CARMIL2: variants seen among roughly 807,000 people sequenced by gnomAD.
CARMIL2 encodes the protein capping protein regulator and myosin 1 linker 2, also known as capping protein, Arp2/3 and myosin-I linker protein 2.
In CARMIL2, 96 loss-of-function variants were observed where a neutral mutation model predicts 173.3. The ratio of observed to expected loss-of-function variants is 0.55; its 90% confidence interval spans 0.47 to 0.66. The LOEUF is 0.66. Ranked by LOEUF, CARMIL2 falls within the 30% of genes least tolerant of loss-of-function variation. CARMIL2 has a pLI of 0.00. For synonymous variants in CARMIL2, 830 were observed against 817.1 expected (o/e 1.02, Z -0.27); for missense variants, 1,771 against 1,906.7 (o/e 0.93, Z 1.33).
intron 34 of CARMIL2, 62 bp downstream of exon 34, chr16:67,656,361 A>T: frequency 6.2e-7 from 1 of 1,610,600 alleles, no homozygotes; most frequent in Non-Finnish European, 8.5e-7. Context: ...GTTGGGTCAG[A>T]CTGTTGTTCA....
chr16:67,652,273 C>A lies in CARMIL2; in HGVS notation c.2751C>A (p.Ser917Arg). ...CAGCACCGGATGGAGGTGAGCCCAG[C>A]CTCCTTGAGCCTGGGGAATTGGAAG... Reference protein sequence around the residue: ...ALPAPDGGEPSLLEPGELEGL... With the variant: ...ALPAPDGGEPRLLEPGELEGL... Residue 917 changes from serine to arginine, a missense_variant, in exon 27 of 38, where the codon AGC becomes AGA. This residue lies in a region of CARMIL2 where 817 missense variants were observed against 903.5 expected (regional missense o/e 0.90). Transcript: ENST00000334583. The surrounding 1 kb of genome is among the most constrained non-coding windows in gnomAD (Gnocchi z 4.7). 1.2e-6 allele frequency: 2 copies of A among 1,613,178 alleles called. No individual in the cohort carries two copies. The highest frequency in any genetic ancestry group is 8.5e-7 in the Non-Finnish European group (1 of 1,179,682).
Position 67,649,246 on chromosome 16 carries a change from GC to G in CARMIL2, c.1689-5del. ...CCTGTCCCCCACAACTGCGGCCCCT[GC>G]CCACAGGGAGACCCTGGACGACGTC... On this transcript the variant is annotated splice_region_variant and splice_polypyrimidine_tract_variant and intron_variant, in intron 18 of 37. Coordinates refer to ENST00000334583, the MANE Select transcript of CARMIL2 (RefSeq NM_001013838.3). The surrounding 1 kb of genome is among the most constrained non-coding windows in gnomAD (Gnocchi z 6.7). 6.2e-7 allele frequency: 1 copy of G among 1,613,318 alleles called. No individual in the cohort carries two copies.
chr16:67,647,484 T>G (rs775201425), intron 10 of CARMIL2, 24 bp from the exon 11 acceptor site: 1 of 1,581,918 alleles, frequency 6.3e-7, no homozygotes, highest in South Asian at 1.2e-5. Context: ...GGGCAGAATC[T>G]CATGCCTGGG....
chr16:67,656,617 G>C lies in CARMIL2; in HGVS notation c.4008G>C (p.Glu1336Asp). 6.2e-7 allele frequency: 1 copy of C among 1,602,000 alleles called. No individual in the cohort carries two copies. The highest frequency in any genetic ancestry group is 8.5e-7 in the Non-Finnish European group (1 of 1,174,404). The part of the protein sequence containing the change: ...SPSPDSLGLP[E>D]DPCLGPRNED... ...CCCCAGACAGCCTGGGCCTCCCAGA[G>C]GACCCTTGCTTGGGCCCCAGAAATG... The change falls in exon 35 of 38, where the codon GAG (glutamate) becomes GAC (aspartate). Residue 1336 changes from glutamate to aspartate, a missense_variant. Physicochemically the swap from Glu to Asp is conservative, Grantham distance 45. Around this residue, in one of 3 missense-constraint regions of CARMIL2, gnomAD observed 817 missense variants for 903.5 expected, o/e 0.90. Coordinates refer to ENST00000334583, the MANE Select transcript of CARMIL2 (RefSeq NM_001013838.3).
In CARMIL2 at chr16:67,648,118, G is replaced by A. The variant is rs767570673; in HGVS notation, c.1138G>A (p.Ala380Thr). 2.5e-6 allele frequency: 4 copies of A among 1,612,356 alleles called. No individual in the cohort carries two copies. Among genetic ancestry groups the A allele is most frequent in the African/African-American group, 2.7e-5 (2 of 74,808 alleles). Residue 380 changes from alanine (A) to threonine (T), a missense_variant, in exon 14 of 38, where the codon GCC becomes ACC. Coordinates refer to ENST00000334583, the MANE Select transcript of CARMIL2 (RefSeq NM_001013838.3). The surrounding 1 kb of genome is among the most constrained non-coding windows in gnomAD (Gnocchi z 6.1). ...SFLNLAGTDT[A>T]LDTVRGCSVG... ...CCTGAATCTCGCAGGCACCGACACTGCCCTGGACACTGTGAGGGGGTGCTC... is the reference window on the plus strand; with the variant it reads ...CCTGAATCTCGCAGGCACCGACACTACCCTGGACACTGTGAGGGGGTGCTC...
rs371122889 is a variant in CARMIL2 at position 67,646,317 on chromosome 16, C to A, written c.374+7C>A. 7 of 1,612,022 alleles carry A rather than the reference C, an allele frequency of 4.3e-6. No homozygotes were observed. Among genetic ancestry groups the A allele is most frequent in the Non-Finnish European group, 5.1e-6 (6 of 1,178,664 alleles). ...TCCCTCGCTCGACCCTTGGGTGAGGCCTGGCAAATTCGAGGGGCTGGCAGG... is the reference window on the plus strand; with the variant it reads ...TCCCTCGCTCGACCCTTGGGTGAGGACTGGCAAATTCGAGGGGCTGGCAGG... On this transcript the variant is annotated splice_region_variant and intron_variant, in intron 5 of 37. Transcript: ENST00000334583. This position sits in a 1 kb window ranked among gnomAD's most constrained non-coding sequence, Gnocchi z 4.6.
chr16:67,645,493 G>T (rs775280877), intron 1 of CARMIL2, 47 bp from the exon 2 acceptor site: 10 of 1,495,126 alleles, frequency 6.7e-6, no homozygotes, highest in Non-Finnish European at 8.2e-6. Context: ...GGCACCAGTG[G>T]CTTCTGTGCA....
In CARMIL2 at chr16:67,657,266, C is replaced by T; in HGVS notation, c.4145C>T (p.Pro1382Leu). Reference sequence around the variant, plus strand: ...CGGCCCCTGAGGCTGCAGCGCTCCCCCGTCCTCAAACGCAGGCCAAAACTC... The same window carrying T: ...CGGCCCCTGAGGCTGCAGCGCTCCCTCGTCCTCAAACGCAGGCCAAAACTC... The part of the protein sequence containing the change: ...AERPLRLQRS[P>L]VLKRRPKLEA... Residue 1382 changes from proline (P) to leucine (L), a missense_variant, in exon 37 of 38, where the codon CCC (proline) becomes CTC (leucine). Physicochemically the swap from Pro to Leu is moderately conservative, Grantham distance 98. Transcript: ENST00000334583. The surrounding 1 kb of genome is among the most constrained non-coding windows in gnomAD (Gnocchi z 4.5). 18 of 1,613,814 alleles carry T rather than the reference C, an allele frequency of 1.1e-5. No homozygotes were observed. Among genetic ancestry groups the T allele is most frequent in the Non-Finnish European group, 1.5e-5 (18 of 1,179,838 alleles).
rs2052713250 is a variant in CARMIL2 at position 67,651,098 on chromosome 16, C to G, written c.2185-89C>G. On this transcript the variant is annotated intron_variant, in intron 22 of 37. Coordinates refer to ENST00000334583, the MANE Select transcript of CARMIL2 (RefSeq NM_001013838.3). This position sits in a 1 kb window ranked among gnomAD's most constrained non-coding sequence, Gnocchi z 4.2. ...TCTAAGGGTGTCAGCTTCAGGACCT[C>G]CCTCTGTTAAAGAGCCTGGGAGGAA... 1 of 1,488,122 alleles carries G rather than the reference C, an allele frequency of 6.7e-7. No individual in the cohort carries two copies. 92.2% of individuals were successfully genotyped at this position (1,488,122 alleles called of 1,614,324 possible).
In CARMIL2 at chr16:67,648,838, C is replaced by G; in HGVS notation, c.1510-55C>G. The G allele has an allele frequency of 6.4e-7, 1 of 1,571,320 alleles. No homozygotes were observed. The highest frequency in any genetic ancestry group is 1.2e-5 in the South Asian group (1 of 86,188). On this transcript the variant is annotated intron_variant, in intron 16 of 37. Coordinates refer to ENST00000334583, the MANE Select transcript of CARMIL2 (RefSeq NM_001013838.3). The surrounding 1 kb of genome is among the most constrained non-coding windows in gnomAD (Gnocchi z 6.1). ...GCAGGGCCGTGGGCCGCCTGCCCCT[C>G]CCCACTCGCGGCCTAAGTGGGTCCC...
rs535663690 is a variant in CARMIL2 at position 67,648,202 on chromosome 16, C to T, written c.1222C>T (p.Pro408Ser). Residue 408 changes from proline to serine, a missense_variant, in exon 14 of 38, where the codon CCC becomes TCC. Pro to Ser is a moderately conservative substitution (Grantham distance 74). This residue lies in a region of CARMIL2 where 944 missense variants were observed against 975.6 expected (regional missense o/e 0.97). Transcript: ENST00000334583. This position sits in a 1 kb window ranked among gnomAD's most constrained non-coding sequence, Gnocchi z 6.1. ...GAGGGCGGGACGGGGAGGGCTCGGT[C>T]CCCCCGCGGGTGTAGCCAACAGCCT... ...DWRAGRGGLGPPAGVANSLPP... is the reference protein window; with the variant it reads ...DWRAGRGGLGSPAGVANSLPP... 6.2e-7 allele frequency: 1 copy of T among 1,604,586 alleles called. No homozygotes were observed. The highest frequency in any genetic ancestry group is 1.1e-5 in the South Asian group (1 of 89,850).
rs376307876 is a variant in CARMIL2, at chr16:67,647,933, C to T, written c.1046C>T (p.Ala349Val). The change falls in exon 13 of 38, where the codon GCG (alanine) becomes GTG (valine). Residue 349 changes from alanine (A) to valine (V), a missense_variant. Physicochemically the swap from Ala to Val is moderately conservative, Grantham distance 64. Transcript: ENST00000334583. The stretch of plus-strand genomic sequence containing the variant: ...CTGGACCTTTCTGGGAATCCTGGGG[C>T]GCTGGGGGCCTCCGAGGACAGTGGG... ...THLDLSGNPG[A>V]LGASEDSGGL... is the part of the protein sequence containing the mutation. 2.5e-5 allele frequency: 40 copies of T among 1,609,540 alleles called. No homozygotes were observed. The highest frequency in any genetic ancestry group is 3.2e-5 in the Non-Finnish European group (38 of 1,177,872).
At position 67,648,269 on chromosome 16, in the gene CARMIL2, C is replaced by A; in HGVS notation, c.1289C>A (p.Thr430Asn). 6 of 1,598,804 alleles carry A rather than the reference C, an allele frequency of 3.8e-6. No individual in the cohort carries two copies. Among genetic ancestry groups the A allele is most frequent in the Non-Finnish European group, 5.1e-6 (6 of 1,176,988 alleles). Residue 430 changes from threonine (T) to asparagine (N), a missense_variant, in exon 14 of 38, where the codon ACC becomes AAC. Transcript: ENST00000334583. This position sits in a 1 kb window ranked among gnomAD's most constrained non-coding sequence, Gnocchi z 6.1. ...GCAGCGGTATCCCGAGGCTGCTGCA[C>A]CAGCCTTACCCACCTCGACGCTTCG... ...LFAAVSRGCCTSLTHLDASRN... is the reference protein window; with the variant it reads ...LFAAVSRGCCNSLTHLDASRN...
chr16:67,653,030 G>C lies in CARMIL2; in HGVS notation c.2896G>C (p.Glu966Gln), dbSNP rs2052759738. The C allele has an allele frequency of 7.9e-7, 1 of 1,270,904 alleles. No homozygotes were observed. The highest frequency in any genetic ancestry group is 3.6e-5 in the Admixed American group (1 of 28,012). 78.7% of individuals were successfully genotyped at this position (1,270,904 alleles called of 1,614,324 possible). ...TGCTGTCCCCTCAGGTGCTGCTGAG[G>C]AAGCGGAGCCGGAGCCCGAGCTGGC... ...LVPFIHSAAEEAEPEPELAAP... is the reference protein window; with the variant it reads ...LVPFIHSAAEQAEPEPELAAP... Residue 966 changes from glutamate (E) to glutamine (Q), a missense_variant, in exon 29 of 38, where the codon GAA becomes CAA. Glu to Gln is a conservative substitution (Grantham distance 29). Coordinates refer to ENST00000334583, the MANE Select transcript of CARMIL2 (RefSeq NM_001013838.3). The surrounding 1 kb of genome is among the most constrained non-coding windows in gnomAD (Gnocchi z 7.4).
Position 67,656,085 on chromosome 16 carries a change from G to T in CARMIL2, c.3742+18G>T. Reference sequence around the variant, plus strand: ...CTCAGATGGTAAGTGGGACCCTGGGGTGTGGCAGTACATTTGCCAGGAGGT... The same window carrying T: ...CTCAGATGGTAAGTGGGACCCTGGGTTGTGGCAGTACATTTGCCAGGAGGT... On this transcript the variant is annotated intron_variant, in intron 33 of 37. Coordinates refer to ENST00000334583, the MANE Select transcript of CARMIL2 (RefSeq NM_001013838.3). 1.9e-6 allele frequency: 3 copies of T among 1,607,824 alleles called. No individual in the cohort carries two copies. The highest frequency in any genetic ancestry group is 2.5e-6 in the Non-Finnish European group (3 of 1,177,030).
At position 67,653,417 on chromosome 16, in the gene CARMIL2, C is replaced by G. The variant is rs1262723158; in HGVS notation, c.3120+163C>G. On this transcript the variant is annotated intron_variant, in intron 29 of 37. Transcript: ENST00000334583. This position sits in a 1 kb window ranked among gnomAD's most constrained non-coding sequence, Gnocchi z 7.4. ...TCCTGGCTTCTTCCTGACCACCCCC[C>G]ACCCCAGGCCATGCCTGTGCGGGAC... Among the ~76,000 whole-genome samples, 2 of 152,012 alleles carry G rather than the reference C, an allele frequency of 1.3e-5. No individual in the cohort carries two copies. Among genetic ancestry groups the G allele is most frequent in the African/African-American group, 2.4e-5 (1 of 41,412 alleles).
rs760760739 is a variant in CARMIL2 at position 67,648,966 on chromosome 16, C to A, written c.1583C>A (p.Ala528Glu). 1.6e-5 allele frequency: 25 copies of A among 1,608,462 alleles called. No homozygotes were observed. Among genetic ancestry groups the A allele is most frequent in the Non-Finnish European group, 2.1e-5 (25 of 1,177,810 alleles). Residue 528 changes from alanine (A) to glutamate (E), a missense_variant, in exon 17 of 38, where the codon GCG (alanine) becomes GAG (glutamate). Ala to Glu is a moderately radical substitution (Grantham distance 107). Transcript: ENST00000334583. The surrounding 1 kb of genome is among the most constrained non-coding windows in gnomAD (Gnocchi z 6.1). ...DAGAVSSLDLADNGFGSDMVT... is the reference protein window; with the variant it reads ...DAGAVSSLDLEDNGFGSDMVT... ...GGCGCTGTGAGCTCCCTGGATCTGG[C>A]GGATAACGGTGAGGCTGCAGGAGAG...
In CARMIL2 at chr16:67,651,540, C is replaced by T; in HGVS notation, c.2427+26C>T. ...GTGAGAGGGTACTCCTGCCCCAACC[C>T]CACCTCCGTTTGCAGGTTTGACTCC... On this transcript the variant is annotated intron_variant, in intron 24 of 37. Transcript: ENST00000334583. This position sits in a 1 kb window ranked among gnomAD's most constrained non-coding sequence, Gnocchi z 4.2. The T allele has an allele frequency of 6.4e-7, 1 of 1,567,118 alleles. No homozygotes were observed. The highest frequency in any genetic ancestry group is 8.7e-7 in the Non-Finnish European group (1 of 1,155,144).
At chr16:67,647,005 A>G in intron 8 of CARMIL2, 32 bp downstream of exon 8, 1 of 1,610,226 alleles carries the variant, frequency 6.2e-7, no homozygotes, top group Non-Finnish European at 8.5e-7. Flanking sequence ...GAGAGGAGGA[A>G]GATCCCGGGG....
Sources: allele counts gnomAD v4.1 joint callset (sites outside exome capture counted in the v4.1 genomes callset), GRCh38; gene constraint gnomAD v4.1.1; regional missense constraint gnomAD v4.1.1; non-coding constraint Gnocchi (gnomAD v3.1); transcripts MANE v1.5; gene names NCBI Gene and HGNC (gene_info 2026-07-23, HGNC 2026-07-21).